SLC9C1: variants seen among roughly 807,000 people sequenced by gnomAD.
SLC9C1 encodes the protein solute carrier family 9 member C1, also known as sodium/hydrogen exchanger 10.
Under a neutral mutation model 140.9 loss-of-function variants are expected in SLC9C1, and 97 were observed. The ratio of observed to expected loss-of-function variants is 0.69; its 90% CI spans 0.58 to 0.82. The LOEUF (loss-of-function observed/expected upper bound fraction) is 0.82. Ranked by LOEUF, SLC9C1 falls within the 40% of genes least tolerant of loss-of-function variation. The probability of loss-of-function intolerance (pLI) is 0.00; values close to 1 mark genes in which losing one functional copy is unlikely to be tolerated. For synonymous variants in SLC9C1, 440 were observed against 442.6 expected (o/e 0.99, Z 0.07); for missense variants, 1,340 against 1,389.3 (o/e 0.96, Z 0.56).
At chr3:112,253,436 C>T (rs4682382) in intron 10 of SLC9C1, among the ~76,000 whole-genome samples, 89,959 of 151,950 alleles carry the variant, frequency 0.59, 27,153 homozygotes, top group East Asian at 0.79. Context: ...TGTGACCAAG[C>T]AAGAGCCCAC....
At chr3:112,168,779 A>T (rs907664449) in intron 25 of SLC9C1, 98 bp downstream of exon 25, 2 of 1,159,004 alleles carry the variant, frequency 1.7e-6, no homozygotes, top group Non-Finnish European at 2.4e-6. Flanking sequence ...AGATTGGAAG[A>T]TGAAAAGCTT....
chr3:112,167,464 A>C, intron 25 of SLC9C1, 117 bp from the exon 26 acceptor site: 1 of 973,164 alleles, frequency 1.0e-6, no homozygotes, highest in Non-Finnish European at 1.4e-6. Context: ...GGAAAATATT[A>C]ACAAATCAAC....
At chr3:112,243,935 C>T in intron 11 of SLC9C1, 60 bp downstream of exon 11, 1 of 1,190,636 alleles carries the variant, frequency 8.4e-7, no homozygotes, top group Non-Finnish European at 1.2e-6. Context: ...ATTATTAGCA[C>T]TTCTTTACCA....
rs992448722 is a variant in SLC9C1, at chr3:112,165,205, C to A, written c.3364+2016G>T. On this transcript the variant is annotated intron_variant, in intron 26 of 28. Coordinates refer to ENST00000305815, the MANE Select transcript of SLC9C1 (RefSeq NM_183061.3). Reference sequence around the variant, plus strand: ...TTTTTCAAGGTTTTTAACTTCTTTGCCATGGGTTCGAACTTCCTCCTTTAG... The same window carrying A: ...TTTTTCAAGGTTTTTAACTTCTTTGACATGGGTTCGAACTTCCTCCTTTAG... Among the ~76,000 whole-genome samples, 3 of 152,234 alleles carry A rather than the reference C, an allele frequency of 2.0e-5. No homozygotes were observed. The South Asian group carries it at 6.2e-4, about 32-fold the overall frequency.
At chr3:112,208,520 A>T in intron 15 of SLC9C1, 147 bp from the exon 16 acceptor site, 1 of 461,218 alleles carries the variant, frequency 2.2e-6, no homozygotes, top group Admixed American at 3.9e-5. Flanking sequence ...ACGTTCTGGC[A>T]TCCCACTTCA....
intron 28 of SLC9C1, among the ~76,000 whole-genome samples, chr3:112,141,847 C>CA (rs2074634498): frequency 6.6e-6 from 1 of 152,112 alleles, no homozygotes; most frequent in South Asian, 2.1e-4. Context: ...TTGATCTTTT[C>CA]TAGACCCTTT....
rs138243880 is a variant in SLC9C1, at chr3:112,287,953, A to G, written c.-87-1075T>C. ...AGCTACTCGGGAGGCTGAGGCAGGA[A>G]AATGGCGTGAACCGGGGAGGCGGAG... On this transcript the variant is annotated intron_variant, in intron 1 of 28. Coordinates refer to ENST00000305815, the MANE Select transcript of SLC9C1 (RefSeq NM_183061.3). Among the ~76,000 whole-genome samples, 939 of 151,490 alleles carry G rather than the reference A, an allele frequency of 6.2e-3. 8 individuals are homozygous for G. The highest frequency in any genetic ancestry group is 0.022 in the African/African-American group (899 of 41,294).
rs140976980 is a variant in SLC9C1, at chr3:112,192,895, T to C, written c.2523+6426A>G. Among the ~76,000 whole-genome samples the C allele has an allele frequency of 3.8e-3, 583 of 152,344 alleles. 4 individuals carry two copies. Among genetic ancestry groups the C allele is most frequent in the African/African-American group, 0.012 (518 of 41,574 alleles). ...CCCTGGAAGTATCATATTTCCTTGCTTTTTCATGTTTGATGTGTCACTACA... is the reference window on the plus strand; with the variant it reads ...CCCTGGAAGTATCATATTTCCTTGCCTTTTCATGTTTGATGTGTCACTACA... On this transcript the variant is annotated intron_variant, in intron 20 of 28. Coordinates refer to ENST00000305815, the MANE Select transcript of SLC9C1 (RefSeq NM_183061.3).
intron 1 of SLC9C1, among the ~76,000 whole-genome samples, chr3:112,293,436 A>G (rs1576550610): frequency 1.3e-5 from 2 of 152,216 alleles, no homozygotes; most frequent in African/African-American, 4.8e-5. Context: ...AGTCACACTA[A>G]TTTACCATGT....
intron 23 of SLC9C1, among the ~76,000 whole-genome samples, chr3:112,170,117 G>A (rs1032725563): frequency 9.9e-5 from 15 of 152,008 alleles, no homozygotes; most frequent in African/African-American, 3.4e-4. Flanking sequence ...AAAAGCACAG[G>A]CAACAAGAAC....
intron 27 of SLC9C1, among the ~76,000 whole-genome samples, chr3:112,152,544 C>G (rs1455259354): frequency 1.3e-5 from 2 of 151,850 alleles, no homozygotes; most frequent in African/African-American, 2.4e-5. Flanking sequence ...AAGAGGCCTT[C>G]CTCTTTCACT....
At chr3:112,192,124 TA>T (rs1457524529) in intron 20 of SLC9C1, among the ~76,000 whole-genome samples, 2 of 152,094 alleles carry the variant, frequency 1.3e-5, no homozygotes, top group African/African-American at 4.8e-5. Flanking sequence ...TTAACTATTT[TA>T]AATGGCTAAG....
At chr3:112,157,141 A>C (rs2075147949) in intron 26 of SLC9C1, among the ~76,000 whole-genome samples, 1 of 151,986 alleles carries the variant, frequency 6.6e-6, no homozygotes, top group African/African-American at 2.4e-5. Context: ...TTGTAGTTTT[A>C]CAGTTTTAGG....
At chr3:112,225,799 A>G (rs900392949) in intron 13 of SLC9C1, among the ~76,000 whole-genome samples, 2 of 152,168 alleles carry the variant, frequency 1.3e-5, no homozygotes, top group Admixed American at 1.3e-4. Context: ...AACTGATAAA[A>G]TAGACTTTAA....
intron 10 of SLC9C1, among the ~76,000 whole-genome samples, chr3:112,258,866 A>G (rs757731268): frequency 3.3e-5 from 5 of 152,174 alleles, no homozygotes; most frequent in Non-Finnish European, 7.3e-5. Context: ...TCACGGCAGA[A>G]GGCAAAGGGG....
chr3:112,233,270 G>A (rs1290735123), intron 12 of SLC9C1, among the ~76,000 whole-genome samples: 9 of 151,854 alleles, frequency 5.9e-5, no homozygotes, highest in African/African-American at 1.7e-4. Context: ...GTTTTGGCAT[G>A]TTGCCAGGTT....
chr3:112,170,402 C>G (rs2077224204), intron 23 of SLC9C1, among the ~76,000 whole-genome samples: 1 of 152,200 alleles, frequency 6.6e-6, no homozygotes, highest in East Asian at 1.9e-4. Flanking sequence ...GTTTATATAC[C>G]TGTTGGCCAT....
rs143485330 is a variant in SLC9C1 at position 112,191,514 on chromosome 3, A to G, written c.2523+7807T>C. 3.3e-3 allele frequency among the ~76,000 whole-genome samples: 495 copies of G among 152,278 alleles called. 3 individuals are homozygous for G. Among genetic ancestry groups the G allele is most frequent in the Non-Finnish European group, 5.8e-3 (391 of 67,998 alleles). ...ACATTTATTGATTTGTGTATGTCAA[A>G]CAGTCCTTGCATCTCAGAAATAAAT... On this transcript the variant is annotated intron_variant, in intron 20 of 28. Coordinates refer to ENST00000305815, the MANE Select transcript of SLC9C1 (RefSeq NM_183061.3).
chr3:112,215,931 C>T (rs897940484), intron 15 of SLC9C1, among the ~76,000 whole-genome samples: 2 of 152,192 alleles, frequency 1.3e-5, no homozygotes, highest in Admixed American at 1.3e-4. Context: ...AAGCTGGAGG[C>T]ATCACGCTAC....
Sources: gnomAD v4.1 joint callset for allele counts (sites outside exome capture counted in the v4.1 genomes callset) on GRCh38, gnomAD v4.1.1 for gene constraint, MANE v1.5 for transcripts, NCBI Gene and HGNC (gene_info 2026-07-23, HGNC 2026-07-21) for gene names.